Variants in FTO observed in about 807,000 individuals in gnomAD.
FTO encodes FTO alpha-ketoglutarate dependent dioxygenase, also known as alpha-ketoglutarate-dependent dioxygenase FTO.
FTO carries 47 observed loss-of-function variants against 63.9 expected under a neutral mutation model. The observed-to-expected ratio is 0.74, with a 90% CI of 0.58 to 0.94. The LOEUF is 0.94. FTO is among the 40% of genes least tolerant of loss of function. FTO has a pLI of 0.00. For missense variants in FTO, 562 were observed against 618.1 expected (o/e 0.91, Z 0.96); for synonymous variants, 207 against 224.4 (o/e 0.92, Z 0.69).
At chr16:53,961,127 T>C (rs1233853092) in intron 8 of FTO, among the ~76,000 whole-genome samples, 1 of 151,884 alleles carries the variant, frequency 6.6e-6, no homozygotes, top group Non-Finnish European at 1.5e-5. Flanking sequence ...TGAGAGATCC[T>C]GCCATCAGAG....
chr16:54,061,185 G>A (rs1478584449), intron 8 of FTO, among the ~76,000 whole-genome samples: 1 of 152,192 alleles, frequency 6.6e-6, no homozygotes, highest in Non-Finnish European at 1.5e-5. Context: ...TGATTCGGAT[G>A]ATTTTTTATT....
At chr16:54,020,014 T>C (rs1029018181) in intron 8 of FTO, among the ~76,000 whole-genome samples, 1 of 152,220 alleles carries the variant, frequency 6.6e-6, no homozygotes, top group Non-Finnish European at 1.5e-5. Context: ...TTATCTGGCT[T>C]ATAGTTTATT....
At chr16:53,836,550 TG>T (rs2079298829) in intron 3 of FTO, among the ~76,000 whole-genome samples, 1 of 152,206 alleles carries the variant, frequency 6.6e-6, no homozygotes, top group Non-Finnish European at 1.5e-5. Flanking sequence ...TCAGTTACAT[TG>T]TGGCCACTGT....
intron 1 of FTO, among the ~76,000 whole-genome samples, chr16:53,769,421 AGTG>A (rs771232689): frequency 1.1e-4 from 16 of 152,138 alleles, no homozygotes; most frequent in Non-Finnish European, 2.9e-5. Flanking sequence ...TAATCTGTCA[AGTG>A]GGGATAATTA....
intron 1 of FTO, among the ~76,000 whole-genome samples, chr16:53,715,609 G>A (rs1218472293): frequency 1.3e-5 from 2 of 152,152 alleles, no homozygotes; most frequent in Admixed American, 6.5e-5. Context: ...CAGACAATGA[G>A]GCATATCCGC....
chr16:53,920,355 A>C (rs2081979891), intron 7 of FTO, among the ~76,000 whole-genome samples: 1 of 152,196 alleles, frequency 6.6e-6, no homozygotes, highest in African/African-American at 2.4e-5. Context: ...TCCTGTGCTA[A>C]AGTCCTCAAG....
rs2084167746 is a variant in FTO, at chr16:54,005,085, A to AG, written c.1364+70976_1364+70977insG. ...GCTCCGTCTAAAAAAAAAAAAAAAA[A>AG]AAAAGAAACAAATTCATTGGAGTAC... On this transcript the variant is annotated intron_variant, in intron 8 of 8. Coordinates refer to ENST00000471389, the MANE Select transcript of FTO (RefSeq NM_001080432.3). 2.7e-5 allele frequency among the ~76,000 whole-genome samples: 4 copies of AG among 147,850 alleles called. No homozygotes were observed. The South Asian group carries it at 8.4e-4, about 31-fold the overall frequency.
intron 8 of FTO, among the ~76,000 whole-genome samples, chr16:53,975,270 A>G (rs752099285): frequency 3.2e-4 from 48 of 151,814 alleles, no homozygotes; most frequent in Non-Finnish European, 6.2e-4. Flanking sequence ...TGTTATATTC[A>G]TAACAAATTT....
At chr16:53,983,777 A>G (rs768180018) in intron 8 of FTO, among the ~76,000 whole-genome samples, 1 of 152,216 alleles carries the variant, frequency 6.6e-6, no homozygotes, top group South Asian at 2.1e-4. Context: ...CTCTGCTCCC[A>G]GCCAGCTGCT....
chr16:53,963,970 C>G (rs934454862), intron 8 of FTO, among the ~76,000 whole-genome samples: 6 of 152,228 alleles, frequency 3.9e-5, no homozygotes, highest in Non-Finnish European at 1.5e-5. Context: ...CCAGGCTGGT[C>G]TGAAGCTCCT....
At chr16:53,770,115 C>T (rs2077299815) in intron 1 of FTO, among the ~76,000 whole-genome samples, 1 of 152,044 alleles carries the variant, frequency 6.6e-6, no homozygotes, top group African/African-American at 2.4e-5. Flanking sequence ...TGTATTGACT[C>T]CAAACTCCAG....
intron 8 of FTO, among the ~76,000 whole-genome samples, chr16:53,969,219 T>C (rs2083263902): frequency 6.7e-6 from 1 of 148,620 alleles, no homozygotes; most frequent in Non-Finnish European, 1.5e-5. Context: ...AAGAATCTTC[T>C]GTATTGTATA....
At chr16:53,959,568 T>C (rs1470157576) in intron 8 of FTO, among the ~76,000 whole-genome samples, 1 of 152,144 alleles carries the variant, frequency 6.6e-6, no homozygotes, top group Non-Finnish European at 1.5e-5. Context: ...GTGTTTGTAC[T>C]GGACACTTTT....
chr16:53,815,772 C>G (rs2078664646), intron 2 of FTO, among the ~76,000 whole-genome samples: 1 of 151,408 alleles, frequency 6.6e-6, no homozygotes, highest in South Asian at 2.1e-4. Context: ...CCTCAGCCTC[C>G]CGAATAGCTG....
chr16:53,845,996 C>T (rs942339034), intron 4 of FTO, among the ~76,000 whole-genome samples: 19 of 152,164 alleles, frequency 1.2e-4, no homozygotes, highest in African/African-American at 4.6e-4. Context: ...GCAGTTTACA[C>T]ATCAGTTTCA....
At chr16:54,034,655 G>A (rs564734403) in intron 8 of FTO, among the ~76,000 whole-genome samples, 1 of 152,012 alleles carries the variant, frequency 6.6e-6, no homozygotes, top group African/African-American at 2.4e-5. Flanking sequence ...GTAGTTTTAG[G>A]GTCTTAAAAG....
intron 8 of FTO, among the ~76,000 whole-genome samples, chr16:53,947,193 T>C (rs1331923983): frequency 6.6e-6 from 1 of 152,170 alleles, no homozygotes; most frequent in Non-Finnish European, 1.5e-5. Context: ...GCCCAGGCTG[T>C]CACTGAGGAG....
At chr16:53,758,201 A>G (rs973694929) in intron 1 of FTO, among the ~76,000 whole-genome samples, 13 of 152,230 alleles carry the variant, frequency 8.5e-5, no homozygotes, top group African/African-American at 3.1e-4. Context: ...TATGCTGCCT[A>G]AAGGGACTCT....
At chr16:53,704,057 T>G, upstream of FTO, 1 of 1,029,554 alleles carries the variant, frequency 9.7e-7, no homozygotes. Flanking sequence ...GGAGTTGTAG[T>G]TTTTTCTACT....
Sources: allele counts gnomAD v4.1 joint callset (sites outside exome capture counted in the v4.1 genomes callset), GRCh38; gene constraint gnomAD v4.1.1; transcripts MANE v1.5; gene names NCBI Gene and HGNC (gene_info 2026-07-23, HGNC 2026-07-21).